The following NR3C2 variants were observed in gnomAD, a reference collection of about 807,000 sequenced individuals.
NR3C2 encodes nuclear receptor subfamily 3 group C member 2, also known as mineralocorticoid receptor.
Under a neutral mutation model 86.4 loss-of-function variants are expected in NR3C2, and 15 were observed. That is an observed-to-expected ratio of 0.17 (90% CI 0.12 to 0.27). The LOEUF (loss-of-function observed/expected upper bound fraction) is 0.27. Ranked by LOEUF, NR3C2 falls within the 10% of genes least tolerant of loss-of-function variation. The pLI, the probability that NR3C2 is intolerant of heterozygous loss-of-function variation, is 1.00. For missense variants in NR3C2, 960 were observed against 1,195.6 expected (o/e 0.80, Z 2.91); for synonymous variants, 458 against 450.5 (o/e 1.02, Z -0.21).
Position 148,298,794 on chromosome 4 carries a change from C to T in NR3C2, c.1758-38677G>A, listed in dbSNP as rs1304540795. 2.0e-5 allele frequency among the ~76,000 whole-genome samples: 3 copies of T among 152,238 alleles called. No homozygotes were observed. In the East Asian group the frequency reaches 5.8e-4, roughly 29 times the overall value. ...AAATGCTATTTCAAATATGCTATGT[C>T]TTGTATAAGGCTTTCATATTTAAAA... is the stretch of plus-strand genomic sequence containing the variant. On this transcript the variant is annotated intron_variant, in intron 2 of 8. Transcript: ENST00000358102.
intron 3 of NR3C2, among the ~76,000 whole-genome samples, chr4:148,221,541 C>T (rs950034895): frequency 1.3e-5 from 2 of 152,160 alleles, no homozygotes; most frequent in African/African-American, 2.4e-5. Flanking sequence ...AAAACCTCTA[C>T]TAACTATAAG....
At chr4:148,104,342 GTTTTT>G (rs57175085) in intron 8 of NR3C2, among the ~76,000 whole-genome samples, 1 of 63,798 alleles carries the variant, frequency 1.6e-5, no homozygotes, top group Non-Finnish European at 3.3e-5. Flanking sequence ...TTTTGGTTTG[GTTTTT>G]TTTTTTTTTT....
chr4:148,174,466 G>T (rs1381257016), intron 4 of NR3C2, among the ~76,000 whole-genome samples: 1 of 152,182 alleles, frequency 6.6e-6, no homozygotes, highest in Non-Finnish European at 1.5e-5. Flanking sequence ...ACAGAATGGT[G>T]AACACATCTA....
At position 148,129,727 on chromosome 4, in the gene NR3C2, T is replaced by C. The variant is rs375756708; in HGVS notation, c.2511-9439A>G. On this transcript the variant is annotated intron_variant, in intron 6 of 8. Coordinates refer to ENST00000358102, the MANE Select transcript of NR3C2 (RefSeq NM_000901.5). ...TCTTCCACCTCAGCCTCTCAAGTAG[T>C]TGGGATTACAGGCGCGTGCCACCAT... is the stretch of plus-strand genomic sequence containing the variant. Among the ~76,000 whole-genome samples the C allele has an allele frequency of 2.4e-3, 362 of 152,216 alleles. 3 individuals carry two copies. The highest frequency in any genetic ancestry group is 8.1e-3 in the African/African-American group (337 of 41,526).
At chr4:148,434,993 C>T in intron 2 of NR3C2, 111 bp downstream of exon 2, 1 of 1,068,750 alleles carries the variant, frequency 9.4e-7, no homozygotes, top group South Asian at 1.3e-5. Context: ...ATATGACCAT[C>T]CTTAAAACAG....
intron 2 of NR3C2, among the ~76,000 whole-genome samples, chr4:148,295,848 C>T (rs1742021784): frequency 1.3e-5 from 2 of 151,838 alleles, no homozygotes; most frequent in African/African-American, 2.4e-5. Flanking sequence ...TGGCAGGTCA[C>T]GTGATCCTGC....
chr4:148,377,405 A>C (rs1746734228), intron 2 of NR3C2, among the ~76,000 whole-genome samples: 1 of 152,224 alleles, frequency 6.6e-6, no homozygotes, highest in Admixed American at 6.5e-5. Flanking sequence ...TCTTCCCAAA[A>C]GTAGGGGACA....
chr4:148,398,716 T>C (rs1747984178), intron 2 of NR3C2, among the ~76,000 whole-genome samples: 1 of 152,222 alleles, frequency 6.6e-6, no homozygotes, highest in African/African-American at 2.4e-5. Flanking sequence ...CATATAAATC[T>C]GTAAACATAA....
rs189746756 is a variant in NR3C2 at position 148,424,004 on chromosome 4, C to T, written c.1757+11100G>A. On this transcript the variant is annotated intron_variant, in intron 2 of 8. Transcript: ENST00000358102. ...CTAGGATTATAGGCGTGAGCCACCACGCCCAGCCTACCAATACAGAATTTT... is the reference window on the plus strand; with the variant it reads ...CTAGGATTATAGGCGTGAGCCACCATGCCCAGCCTACCAATACAGAATTTT... Among the ~76,000 whole-genome samples, 746 of 152,350 alleles carry T rather than the reference C, an allele frequency of 4.9e-3. 3 individuals are homozygous for T. Among genetic ancestry groups the T allele is most frequent in the African/African-American group, 0.017 (705 of 41,576 alleles).
At chr4:148,265,546 T>A (rs991267679) in intron 2 of NR3C2, among the ~76,000 whole-genome samples, 2 of 152,196 alleles carry the variant, frequency 1.3e-5, no homozygotes, top group African/African-American at 4.8e-5. Flanking sequence ...ACTGATCCAC[T>A]TTCAGTGATT....
In NR3C2 at chr4:148,356,229, A is replaced by T. The variant is rs1745544002; in HGVS notation, c.1757+78875T>A. Among the ~76,000 whole-genome samples, 3 of 152,274 alleles carry T rather than the reference A, an allele frequency of 2.0e-5. No individual in the cohort carries two copies. In the South Asian group the frequency reaches 6.2e-4, roughly 31 times the overall value. ...AAGTATGATCACTGCATATTTGAGA[A>T]AATGTTATTCAAGGTACTAAAAAGT... On this transcript the variant is annotated intron_variant, in intron 2 of 8. Transcript: ENST00000358102.
intron 2 of NR3C2, among the ~76,000 whole-genome samples, chr4:148,265,236 TC>T (rs1383418896): frequency 6.6e-6 from 1 of 152,114 alleles, no homozygotes; most frequent in Non-Finnish European, 1.5e-5. Flanking sequence ...ATCTAATGAC[TC>T]AGTAAAGAGA....
chr4:148,118,350 C>A (rs2149731614), intron 7 of NR3C2, among the ~76,000 whole-genome samples: 1 of 152,284 alleles, frequency 6.6e-6, no homozygotes, highest in African/African-American at 2.4e-5. Flanking sequence ...TCTGTGGAGG[C>A]CATGCTGTTA....
chr4:148,323,615 G>GTAT (rs1319335992), intron 2 of NR3C2, among the ~76,000 whole-genome samples: 1 of 152,128 alleles, frequency 6.6e-6, no homozygotes, highest in East Asian at 1.9e-4. Flanking sequence ...GAAAAGCGCA[G>GTAT]TATTCGGGTG....
At chr4:148,261,676 AT>A (rs1235985695) in intron 2 of NR3C2, among the ~76,000 whole-genome samples, 4 of 152,208 alleles carry the variant, frequency 2.6e-5, no homozygotes, top group Admixed American at 2.6e-4. Flanking sequence ...GAGTTGCTGT[AT>A]GTCACTTCTA....
chr4:148,393,338 G>C (rs1747688947), intron 2 of NR3C2, among the ~76,000 whole-genome samples: 1 of 152,198 alleles, frequency 6.6e-6, no homozygotes, highest in African/African-American at 2.4e-5. Flanking sequence ...CACGTGCAAA[G>C]CTTTGTGAAA....
intron 7 of NR3C2, among the ~76,000 whole-genome samples, chr4:148,117,687 C>G (rs1018132440): frequency 2.0e-5 from 3 of 152,234 alleles, no homozygotes; most frequent in Non-Finnish European, 4.4e-5. Flanking sequence ...ACTGTGTCCC[C>G]TCTTCCTGCT....
Position 148,320,913 on chromosome 4 carries a change from C to T in NR3C2, c.1758-60796G>A, listed in dbSNP as rs1215364176. Among the ~76,000 whole-genome samples the T allele has an allele frequency of 1.6e-4, 24 of 149,136 alleles. No individual in the cohort carries two copies. The East Asian group carries it at 4.4e-3, about 28-fold the overall frequency. On this transcript the variant is annotated intron_variant, in intron 2 of 8. Transcript: ENST00000358102. Reference sequence around the variant, plus strand: ...TCTGATTTTAGTTATTTCTTGCCTTCTGCTAGCTTTTGAATGTGTTTGCTC... The same window carrying T: ...TCTGATTTTAGTTATTTCTTGCCTTTTGCTAGCTTTTGAATGTGTTTGCTC...
rs1430170854 is a variant in NR3C2, at chr4:148,256,853, TAAG to T, written c.1897+3122_1897+3124del. ...TCTAAGTGTTTTTATATTAAATGTT[TAAG>T]AAGAAGAAAATAAGAACACACATAC... is the stretch of plus-strand genomic sequence containing the variant. On this transcript the variant is annotated intron_variant, in intron 3 of 8. Coordinates refer to ENST00000358102, the MANE Select transcript of NR3C2 (RefSeq NM_000901.5). Among the ~76,000 whole-genome samples, 4 of 144,116 alleles carry T rather than the reference TAAG, an allele frequency of 2.8e-5. No individual in the cohort carries two copies. In the South Asian group the frequency reaches 9.0e-4, roughly 32 times the overall value. The allele number at this position is 144,116 out of a possible 152,430, so 94.5% of individuals were successfully genotyped here.
Sources: allele counts gnomAD v4.1 joint callset (sites outside exome capture counted in the v4.1 genomes callset), GRCh38; gene constraint gnomAD v4.1.1; transcripts MANE v1.5; gene names NCBI Gene and HGNC (gene_info 2026-07-23, HGNC 2026-07-21).